Variants in FHIP2A observed in about 807,000 individuals in gnomAD.
FHIP2A encodes family with sequence similarity 160 member B1.
In FHIP2A, 46 loss-of-function variants were observed where a neutral mutation model predicts 93.5. The ratio of observed to expected loss-of-function variants is 0.49; its 90% CI spans 0.39 to 0.63. The LOEUF (loss-of-function observed/expected upper bound fraction) is 0.63, where lower values mean the gene tolerates loss of function less well. Among genes scored for constraint, FHIP2A ranks in the 20% least tolerant of loss-of-function variants. The pLI, the probability that FHIP2A is intolerant of heterozygous loss-of-function variation, is 0.00. For synonymous variants in FHIP2A, 332 were observed against 326.5 expected (o/e 1.02, Z -0.18); for missense variants, 769 against 909.7 (o/e 0.85, Z 1.99).
chr10:114,886,734 G>A (rs922443767), intron 16 of FHIP2A, among the ~76,000 whole-genome samples: 2 of 151,794 alleles, frequency 1.3e-5, no homozygotes, highest in African/African-American at 4.8e-5. Flanking sequence ...TAGTAGAGAC[G>A]GGGTTTTGCC....
At chr10:114,869,431 T>C (rs897975829), downstream of FHIP2A, among the ~76,000 whole-genome samples, 1 of 152,246 alleles carries the variant, frequency 6.6e-6, no homozygotes, top group African/African-American at 2.4e-5. Context: ...GCTGCTTCAA[T>C]TCTTTGTCCT....
chr10:114,876,605 T>C (rs914882984), intron 16 of FHIP2A, among the ~76,000 whole-genome samples: 1 of 152,172 alleles, frequency 6.6e-6, no homozygotes, highest in African/African-American at 2.4e-5. Context: ...CTCGGGTTCC[T>C]AGGCCTCTTG....
Position 114,862,315 on chromosome 10 carries a change from A to AT in FHIP2A, c.*782dup, listed in dbSNP as rs980972618. ...CATTGGTAGTGTTTGCTAAAATTGT[A>AT]TTTTTTTAAGCTAAGTAACATGTAC... On this transcript the variant is annotated 3_prime_UTR_variant, in exon 17 of 17. Transcript: ENST00000369248. The AT allele has an allele frequency of 8.1e-6, 8 of 987,292 alleles. No individual in the cohort carries two copies. The highest frequency in any genetic ancestry group is 3.5e-5 in the African/African-American group (2 of 57,244). 61.2% of individuals were successfully genotyped at this position (987,292 alleles called of 1,614,324 possible).
chr10:114,873,219 A>G (rs1367454860), intron 16 of FHIP2A, among the ~76,000 whole-genome samples: 1 of 152,142 alleles, frequency 6.6e-6, no homozygotes, highest in African/African-American at 2.4e-5. Flanking sequence ...TGATTTTGGC[A>G]GTTTTGAGGA....
intron 1 of FHIP2A, among the ~76,000 whole-genome samples, chr10:114,824,651 A>G (rs186038938): frequency 1.6e-4 from 25 of 152,290 alleles, no homozygotes; most frequent in Admixed American, 1.3e-3. Flanking sequence ...TGAATAAGCC[A>G]TCCTTGTGTA....
At chr10:114,860,224 A>G (rs2083789462) in intron 14 of FHIP2A, among the ~76,000 whole-genome samples, 1 of 152,140 alleles carries the variant, frequency 6.6e-6, no homozygotes, top group Non-Finnish European at 1.5e-5. Flanking sequence ...ATATGTTTAT[A>G]TATTTTTTAA....
At chr10:114,890,270 C>T (rs1180762637) in intron 16 of FHIP2A, among the ~76,000 whole-genome samples, 3 of 151,964 alleles carry the variant, frequency 2.0e-5, no homozygotes, top group Non-Finnish European at 4.4e-5. Flanking sequence ...TCAAGTGATC[C>T]ACCCACCTTG....
At chr10:114,837,084 T>G (rs1037558604) in intron 5 of FHIP2A, among the ~76,000 whole-genome samples, 6 of 151,902 alleles carry the variant, frequency 3.9e-5, no homozygotes, top group African/African-American at 1.4e-4. Context: ...TAAGTTTTTT[T>G]GTAGAGACAG....
In FHIP2A at chr10:114,861,212, C is replaced by A; in HGVS notation, c.2089-19C>A. On this transcript the variant is annotated intron_variant, in intron 15 of 16. Coordinates refer to ENST00000369248, the MANE Select transcript of FHIP2A (RefSeq NM_020940.4). ...GTAGCTGATTTCAGGAACTGAAGTG[C>A]CTTGCCTCTGTGATGCAGGTTGTTG... The A allele has an allele frequency of 6.2e-7, 1 of 1,613,394 alleles. No individual in the cohort carries two copies. Among genetic ancestry groups the A allele is most frequent in the Non-Finnish European group, 8.5e-7 (1 of 1,179,762 alleles).
intron 12 of FHIP2A, 151 bp downstream of exon 12, chr10:114,847,384 G>GT (rs1227607615): frequency 1.5e-5 from 9 of 599,056 alleles, no homozygotes; most frequent in Non-Finnish European, 2.1e-5. Flanking sequence ...CGCCTCCTGG[G>GT]TTTAAGCGAT....
Position 114,862,224 on chromosome 10 carries a change from T to G in FHIP2A, c.*684T>G, listed in dbSNP as rs1457483988. On this transcript the variant is annotated 3_prime_UTR_variant, in exon 17 of 17. Coordinates refer to ENST00000369248, the MANE Select transcript of FHIP2A (RefSeq NM_020940.4). ...GTGCACATAGCCATGTTAGTGATTT[T>G]CTTCATGTGTGGGTCCCAGTTTATT... 1.0e-6 allele frequency: 1 copy of G among 982,486 alleles called. No homozygotes were observed. Among genetic ancestry groups the G allele is most frequent in the Non-Finnish European group, 1.2e-6 (1 of 826,986 alleles). The allele number at this position is 982,486 out of a possible 1,614,324, so 60.9% of individuals were successfully genotyped here. A position where few individuals can be genotyped will look rare whatever the true frequency, so the allele number is the denominator to read the frequency against.
rs77083588 is a variant in FHIP2A at position 114,824,114 on chromosome 10, T to C, written c.45+1991T>C. ...GGTATGCATAGGTTATATGAAAATATGCCATTTTATAACAGGGACTTGAAC... is the reference window on the plus strand; with the variant it reads ...GGTATGCATAGGTTATATGAAAATACGCCATTTTATAACAGGGACTTGAAC... On this transcript the variant is annotated intron_variant, in intron 1 of 16. Transcript: ENST00000369248. Among the ~76,000 whole-genome samples the C allele has an allele frequency of 6.0e-3, 908 of 152,328 alleles. 3 individuals carry two copies. Among genetic ancestry groups the C allele is most frequent in the Non-Finnish European group, 0.01 (687 of 68,028 alleles).
At position 114,861,971 on chromosome 10, in the gene FHIP2A, A is replaced by G. The variant is rs1016028339; in HGVS notation, c.*431A>G. ...TAATAAGTAGCAAAAAAAAATCACTAATTTTATAACTTTTTAAGGTCAGAA... is the reference window on the plus strand; with the variant it reads ...TAATAAGTAGCAAAAAAAAATCACTGATTTTATAACTTTTTAAGGTCAGAA... On this transcript the variant is annotated 3_prime_UTR_variant, in exon 17 of 17. Transcript: ENST00000369248. 15 of 983,464 alleles carry G rather than the reference A, an allele frequency of 1.5e-5. No homozygotes were observed. Among genetic ancestry groups the G allele is most frequent in the Non-Finnish European group, 1.8e-5 (15 of 827,854 alleles). 60.9% of individuals were successfully genotyped at this position (983,464 alleles called of 1,614,324 possible).
Position 114,862,384 on chromosome 10 carries a change from C to G in FHIP2A, c.*844C>G. ...CCCCCCTCTCCCTCTCAGAAAATTG[C>G]TTTATAAAATTGCTTTATAATTTGA... On this transcript the variant is annotated 3_prime_UTR_variant, in exon 17 of 17. Transcript: ENST00000369248. The G allele has an allele frequency of 4.1e-6, 4 of 987,306 alleles. No individual in the cohort carries two copies. Among genetic ancestry groups the G allele is most frequent in the Non-Finnish European group, 4.8e-6 (4 of 830,030 alleles). 61.2% of individuals were successfully genotyped at this position (987,306 alleles called of 1,614,324 possible). A position where few individuals can be genotyped will look rare whatever the true frequency, so the allele number is the denominator to read the frequency against.
At chr10:114,885,416 A>G (rs1044444492) in intron 16 of FHIP2A, among the ~76,000 whole-genome samples, 1 of 152,034 alleles carries the variant, frequency 6.6e-6, no homozygotes, top group Non-Finnish European at 1.5e-5. Context: ...AAAAAAGAAA[A>G]AAAAAAGCAG....
At position 114,875,708 on chromosome 10, in the gene FHIP2A, GAA is replaced by G. The variant is rs1234219013; in HGVS notation, c.2192+14376_2192+14377del. Among the ~76,000 whole-genome samples, 13 of 140,490 alleles carry G rather than the reference GAA, an allele frequency of 9.3e-5. No individual in the cohort carries two copies. The South Asian group carries it at 2.9e-3, about 32-fold the overall frequency. 92.2% of individuals were successfully genotyped at this position (140,490 alleles called of 152,430 possible). On this transcript the variant is annotated intron_variant, in intron 16 of 16. Coordinates refer to the FHIP2A transcript ENST00000369250. The stretch of plus-strand genomic sequence containing the variant: ...GACTCTGTCGAAAGAAAAAAAGAAA[GAA>G]AGAGAGAGAAAGAAAGAAAGAGAGA...
chr10:114,889,528 T>A (rs1164951881), intron 16 of FHIP2A, among the ~76,000 whole-genome samples: 1 of 152,240 alleles, frequency 6.6e-6, no homozygotes, highest in Admixed American at 6.5e-5. Context: ...CCCTTGTTGG[T>A]CAACACCCTC....
At chr10:114,832,985 A>G (rs2143010068) in intron 2 of FHIP2A, among the ~76,000 whole-genome samples, 1 of 152,278 alleles carries the variant, frequency 6.6e-6, no homozygotes, top group Admixed American at 6.5e-5. Flanking sequence ...AAGTGCTGGA[A>G]TTACAGGTGT....
In FHIP2A at chr10:114,822,054, G is replaced by A; in HGVS notation, c.-25G>A. ...AGGAGCTCTCCAGGTCGTCCCGGGAGAGGCTGCTGCAGTCCCGGGACAGGA... is the reference window on the plus strand; with the variant it reads ...AGGAGCTCTCCAGGTCGTCCCGGGAAAGGCTGCTGCAGTCCCGGGACAGGA... On this transcript the variant is annotated 5_prime_UTR_variant, in exon 1 of 17. Transcript: ENST00000369248. 1 of 1,282,748 alleles carries A rather than the reference G, an allele frequency of 7.8e-7. No individual in the cohort carries two copies. The highest frequency in any genetic ancestry group is 2.3e-5 in the South Asian group (1 of 43,700). The allele number at this position is 1,282,748 out of a possible 1,614,324, so 79.5% of individuals were successfully genotyped here. A position where few individuals can be genotyped will look rare whatever the true frequency, so the allele number is the denominator to read the frequency against.
Sources: gnomAD v4.1 joint callset for allele counts (sites outside exome capture counted in the v4.1 genomes callset) on GRCh38, gnomAD v4.1.1 for gene constraint, MANE v1.5 for transcripts, NCBI Gene and HGNC (gene_info 2026-07-23, HGNC 2026-07-21) for gene names.